MYH16: variants seen among roughly 807,000 people sequenced by gnomAD.
MYH16 encodes putative uncharacterized protein MYH16.
chr7:99,294,679 C>T (rs1231224461), intron 33 of MYH16, among the ~76,000 whole-genome samples: 1 of 151,466 alleles, frequency 6.6e-6, no homozygotes, highest in East Asian at 1.9e-4. Flanking sequence ...AATTCTCATT[C>T]CTCAGCCTCC....
chr7:99,277,143 G>T (rs997129168), intron 20 of MYH16, among the ~76,000 whole-genome samples: 3 of 152,148 alleles, frequency 2.0e-5, no homozygotes, highest in Non-Finnish European at 4.4e-5. Flanking sequence ...CCAGAGGTGG[G>T]AGGACTCAGT....
rs1282318390 is a variant in MYH16 at position 99,296,931 on chromosome 7, C to A, written n.4499+14C>A. 1 of 455,978 alleles carries A rather than the reference C, an allele frequency of 2.2e-6. No individual in the cohort carries two copies. The highest frequency in any genetic ancestry group is 4.4e-6 in the Non-Finnish European group (1 of 226,754). The allele number at this position is 455,978 out of a possible 1,614,324, so 28.2% of individuals were successfully genotyped here. ...AGACCCTGCAGGGTGAGTCTGAGGG[C>A]AGGTGGATGGGATGGGCCTGTAGGG... On this transcript the variant is annotated intron_variant and non_coding_transcript_variant, in intron 34 of 41. Transcript: ENST00000439784.
intron 15 of MYH16, chr7:99,265,100 C>G (rs1209331288): frequency 6.6e-6 from 1 of 152,642 alleles, no homozygotes; most frequent in Admixed American, 6.6e-5. Flanking sequence ...TCCTCCAACC[C>G]CAGGAGCAGC....
At chr7:99,265,222 G>A (rs1226124493) in intron 16 of MYH16, 1 of 152,640 alleles carries the variant, frequency 6.6e-6, no homozygotes, top group Non-Finnish European at 1.5e-5. Flanking sequence ...CCTGCTGGAA[G>A]TCCTGAGGTT....
intron 36 of MYH16, among the ~76,000 whole-genome samples, chr7:99,299,199 T>A (rs1481096405): frequency 1.3e-5 from 2 of 152,092 alleles, no homozygotes; most frequent in Non-Finnish European, 2.9e-5. Context: ...TGAGTTATGA[T>A]CACACTACTA....
intron 14 of MYH16, chr7:99,264,111 CAT>C (rs1422330197): frequency 2.0e-5 from 3 of 152,402 alleles, no homozygotes; most frequent in Admixed American, 2.0e-4. Flanking sequence ...ATTTTCCTCA[CAT>C]GAGGGTCCCC....
At chr7:99,285,292 A>G (rs1806389055) in intron 26 of MYH16, 90 bp from the exon 9 acceptor site, 1 of 443,886 alleles carries the variant, frequency 2.3e-6, no homozygotes, top group Non-Finnish European at 4.5e-6. Flanking sequence ...TCATATTCTC[A>G]CATCCCTATT....
intron 20 of MYH16, among the ~76,000 whole-genome samples, chr7:99,276,172 C>T (rs1220109990): frequency 3.3e-5 from 5 of 152,194 alleles, no homozygotes; most frequent in Non-Finnish European, 5.9e-5. Flanking sequence ...TGCTACACAG[C>T]GGCAAAGTAT....
chr7:99,292,223 A>G (rs1792393062), intron 31 of MYH16, 89 bp from the exon 13 acceptor site: 1 of 370,170 alleles, frequency 2.7e-6, no homozygotes, highest in Non-Finnish European at 5.5e-6. Flanking sequence ...GCCTGCCATC[A>G]CTGCTGCTCC....
At chr7:99,239,433 G>A (rs1262566355) in intron 1 of MYH16, among the ~76,000 whole-genome samples, 1 of 152,186 alleles carries the variant, frequency 6.6e-6, no homozygotes, top group Non-Finnish European at 1.5e-5. Context: ...GGTGGCATGA[G>A]GGCCATGAGA....
intron 11 of MYH16, among the ~76,000 whole-genome samples, chr7:99,259,453 A>AT (rs1791913091): frequency 6.6e-6 from 1 of 151,472 alleles, no homozygotes; most frequent in Non-Finnish European, 1.5e-5. Context: ...ATCTTTTTTT[A>AT]TTTTTGTTTA....
intron 11 of MYH16, among the ~76,000 whole-genome samples, chr7:99,259,653 T>C (rs1454145322): frequency 4.0e-5 from 6 of 151,468 alleles, no homozygotes; most frequent in Admixed American, 6.6e-5. Context: ...AGATGGGGTT[T>C]TACCATGATG....
chr7:99,245,396 A>C (rs1277926579), intron 2 of MYH16, among the ~76,000 whole-genome samples: 1 of 152,188 alleles, frequency 6.6e-6, no homozygotes, highest in African/African-American at 2.4e-5. Context: ...TACTTGGTGG[A>C]TGCTTTAGAG....
chr7:99,297,712 T>C (rs1385164620), exon 35 of MYH16: 1 of 456,506 alleles, frequency 2.2e-6, no homozygotes, highest in Admixed American at 2.4e-5. Context: ...GGAGTGTGCA[T>C]GAACTGCAGA....
intron 31 of MYH16, among the ~76,000 whole-genome samples, 175 bp downstream of exon 12, chr7:99,291,625 C>CG (rs1365201933): frequency 8.5e-6 from 1 of 117,884 alleles, no homozygotes. Context: ...AGACCCCCCC[C>CG]CACCCCCCCC....
At chr7:99,260,260 A>C in exon 12 of MYH16, 10 of 1,602,428 alleles carry the variant, frequency 6.2e-6, no homozygotes, top group Admixed American at 3.3e-5. Flanking sequence ...GGAGGAGTAC[A>C]AGAGGGAAGG....
intron 20 of MYH16, among the ~76,000 whole-genome samples, chr7:99,276,046 G>A (rs912950554): frequency 1.3e-5 from 2 of 152,158 alleles, no homozygotes; most frequent in South Asian, 4.1e-4. Context: ...TTTTGTTGTT[G>A]TTGTTCTAAA....
At chr7:99,304,029 A>C (rs966946084) in intron 39 of MYH16, among the ~76,000 whole-genome samples, 2 of 152,134 alleles carry the variant, frequency 1.3e-5, no homozygotes, top group African/African-American at 4.8e-5. Context: ...CCCACTTGGA[A>C]GATGAAGGAA....
At chr7:99,275,066 C>G (rs1013065416) in intron 20 of MYH16, among the ~76,000 whole-genome samples, 1 of 152,154 alleles carries the variant, frequency 6.6e-6, no homozygotes, top group African/African-American at 2.4e-5. Context: ...GCAATCATAG[C>G]TCACTGCAGC....
Sources: allele counts gnomAD v4.1 joint callset (sites outside exome capture counted in the v4.1 genomes callset), GRCh38; gene constraint gnomAD v4.1.1; transcripts MANE v1.5; gene names NCBI Gene and HGNC (gene_info 2026-07-23, HGNC 2026-07-21).